The following ATG14 variants were observed in gnomAD, a reference collection of about 807,000 sequenced individuals.
ATG14 encodes the protein autophagy related 14.
Under a neutral mutation model 60.4 loss-of-function variants are expected in ATG14, and 35 were observed. The ratio of observed to expected loss-of-function variants is 0.58; its 90% confidence interval spans 0.44 to 0.77. The LOEUF (loss-of-function observed/expected upper bound fraction) is 0.77, where lower values mean the gene tolerates loss of function less well. Ranked by LOEUF, ATG14 falls within the 30% of genes least tolerant of loss-of-function variation. The pLI is 0.00. For missense variants in ATG14, 647 were observed against 626.3 expected, an observed-to-expected ratio of 1.03 and a Z score of -0.35; for synonymous variants, 234 against 228.8, an observed-to-expected ratio of 1.02 and a Z score of -0.21.
At chr14:55,381,698 C>A (rs999256528) in intron 6 of ATG14, among the ~76,000 whole-genome samples, 4 of 152,134 alleles carry the variant, frequency 2.6e-5, no homozygotes, top group African/African-American at 9.7e-5. Context: ...CCAGAACAGG[C>A]AAATCTATAG....
intron 2 of ATG14, among the ~76,000 whole-genome samples, chr14:55,397,038 A>G (rs1486453425): frequency 6.6e-6 from 1 of 152,208 alleles, no homozygotes; most frequent in Non-Finnish European, 1.5e-5. Flanking sequence ...GGTAAATGGA[A>G]GCAGTAATGT....
intron 9 of ATG14, among the ~76,000 whole-genome samples, chr14:55,372,920 G>C (rs1453963806): frequency 2.0e-5 from 3 of 152,148 alleles, no homozygotes; most frequent in Non-Finnish European, 4.4e-5. Context: ...AATGAAAAGC[G>C]ACTGAATGGA....
chr14:55,411,105 C>G (rs1885564046), intron 1 of ATG14, among the ~76,000 whole-genome samples: 1 of 152,208 alleles, frequency 6.6e-6, no homozygotes, highest in African/African-American at 2.4e-5. Context: ...TCAATTCACA[C>G]ATTAGAGTAA....
rs1464615081 is a variant in ATG14 at position 55,377,794 on chromosome 14, A to G, written c.1172+25T>C. On this transcript the variant is annotated intron_variant, in intron 9 of 9. Transcript: ENST00000247178. ...TAACAGGATTCACAAAAACACTTAG[A>G]GAAAAGCAACAAATATCTTCTTACC... 4 of 1,515,658 alleles carry G rather than the reference A, an allele frequency of 2.6e-6. No homozygotes were observed. In the East Asian group the frequency reaches 9.0e-5, roughly 34 times the overall value. 93.9% of individuals were successfully genotyped at this position (1,515,658 alleles called of 1,614,324 possible). A position where few individuals can be genotyped will look rare whatever the true frequency, so the allele number is the denominator to read the frequency against.
At position 55,402,970 on chromosome 14, in the gene ATG14, A is replaced by ATAT. The variant is rs1566585833; in HGVS notation, c.222-5537_222-5536insATA. ...ATATATATATATATATATATATATA[A>ATAT]ATAGCTGGGCATAGTGGTGCATGGC... On this transcript the variant is annotated intron_variant, in intron 1 of 9. Transcript: ENST00000247178. Among the ~76,000 whole-genome samples, 85 of 69,470 alleles carry ATAT rather than the reference A, an allele frequency of 1.2e-3. 1 individual carries two copies. Among genetic ancestry groups the ATAT allele is most frequent in the Non-Finnish European group, 2.2e-3 (75 of 33,802 alleles). 45.6% of individuals were successfully genotyped at this position (69,470 alleles called of 152,430 possible). A position where few individuals can be genotyped will look rare whatever the true frequency, so the allele number is the denominator to read the frequency against.
chr14:55,379,105 G>A (rs1021295780), intron 7 of ATG14, among the ~76,000 whole-genome samples: 1 of 152,208 alleles, frequency 6.6e-6, no homozygotes, highest in South Asian at 2.1e-4. Flanking sequence ...CCATGAAAAT[G>A]TGAGCTCCAA....
rs780788345 is a variant in ATG14, at chr14:55,411,712, G to C, written c.111C>G (p.Tyr37Ter). The change falls in exon 1 of 10, where the codon TAC (tyrosine) becomes TAG (stop). Residue 37 changes from tyrosine to a stop codon, truncating the protein, a stop_gained. Coordinates refer to ENST00000247178, the MANE Select transcript of ATG14 (RefSeq NM_014924.5). LOFTEE classifies it high-confidence loss of function. Reference protein sequence around the residue: ...VDSVDDAEGLYVAVERCPLCN... With the variant: ...VDSVDDAEGL ...ACAGCGGGCAGCGCTCCACAGCCAC[G>C]TACAGCCCCTCCGCATCGTCCACGG... 1 of 1,612,466 alleles carries C rather than the reference G, an allele frequency of 6.2e-7. No individual in the cohort carries two copies.
chr14:55,411,672 G>A lies in ATG14; in HGVS notation c.151C>T (p.Arg51Trp). Residue 51 changes from arginine to tryptophan, a missense_variant, in exon 1 of 10, where the codon CGG becomes TGG. By Grantham distance (101) the Arg-to-Trp change is moderately radical. Transcript: ENST00000247178. The part of the protein sequence containing the change: ...ERCPLCNTTR[R>W]RLTCAKCVQS... ...ACGCATTTGGCGCAGGTCAGCCGCC[G>A]GCGGGTAGTGTTGCACAGCGGGCAG... The A allele has an allele frequency of 6.2e-7, 1 of 1,613,414 alleles. No individual in the cohort carries two copies. Among genetic ancestry groups the A allele is most frequent in the Non-Finnish European group, 8.5e-7 (1 of 1,179,888 alleles).
At position 55,369,594 on chromosome 14, in the gene ATG14, T is replaced by G; in HGVS notation, c.*25A>C. The G allele has an allele frequency of 6.8e-7, 1 of 1,464,370 alleles. No homozygotes were observed. The highest frequency in any genetic ancestry group is 9.1e-7 in the Non-Finnish European group (1 of 1,102,050). 90.7% of individuals were successfully genotyped at this position (1,464,370 alleles called of 1,614,324 possible). On this transcript the variant is annotated 3_prime_UTR_variant, in exon 10 of 10. Transcript: ENST00000247178. ...GGGAGAAGAACTTTCTTGATGCAGA[T>G]TTGGTATGTTTTGGTCCATGCTCGT...
chr14:55,387,603 C>A (rs1885146653), intron 4 of ATG14, among the ~76,000 whole-genome samples: 1 of 152,116 alleles, frequency 6.6e-6, no homozygotes, highest in Non-Finnish European at 1.5e-5. Flanking sequence ...GGGTCCAAAC[C>A]ACCCTCCCAC....
At chr14:55,397,863 A>G (rs969840301) in intron 1 of ATG14, among the ~76,000 whole-genome samples, 1 of 152,070 alleles carries the variant, frequency 6.6e-6, no homozygotes, top group Non-Finnish European at 1.5e-5. Context: ...TTTTTTCACT[A>G]ATTTTATTGC....
In ATG14 at chr14:55,411,664, C is replaced by T. The variant is rs1293968100; in HGVS notation, c.159G>A (p.Leu53=). Residue 53 remains leucine (L), a synonymous_variant, in exon 1 of 10, where the codon CTG becomes CTA. Coordinates refer to ENST00000247178, the MANE Select transcript of ATG14 (RefSeq NM_014924.5). The part of the protein sequence containing the change: ...CPLCNTTRRR[L]TCAKCVQSGD... ...CGCTCTGAACGCATTTGGCGCAGGT[C>T]AGCCGCCGGCGGGTAGTGTTGCACA... 1 of 1,613,460 alleles carries T rather than the reference C, an allele frequency of 6.2e-7. No homozygotes were observed. Among genetic ancestry groups the T allele is most frequent in the Admixed American group, 1.7e-5 (1 of 59,998 alleles).
rs2140113698 is a variant in ATG14 at position 55,369,133 on chromosome 14, C to CA, written c.*485dup. On this transcript the variant is annotated 3_prime_UTR_variant, in exon 10 of 10. Transcript: ENST00000247178. ...TTTAAATTGCCTGCTGGTTCTCATACAAAAAACAATGGCAGAAAAACTCTT... is the reference window on the plus strand; with the variant it reads ...TTTAAATTGCCTGCTGGTTCTCATACAAAAAAACAATGGCAGAAAAACTCTT... 6.5e-6 allele frequency: 1 copy of CA among 152,822 alleles called. No homozygotes were observed. Among genetic ancestry groups the CA allele is most frequent in the South Asian group, 2.1e-4 (1 of 4,826 alleles). 9.5% of individuals were successfully genotyped at this position (152,822 alleles called of 1,614,324 possible). A position where few individuals can be genotyped will look rare whatever the true frequency, so the allele number is the denominator to read the frequency against.
At chr14:55,408,926 A>G (rs1229133961) in intron 1 of ATG14, among the ~76,000 whole-genome samples, 2 of 152,194 alleles carry the variant, frequency 1.3e-5, no homozygotes, top group Non-Finnish European at 2.9e-5. Context: ...CGTATGCCAT[A>G]GTAAGGAGCT....
chr14:55,411,483 C>G (rs1772487878), intron 1 of ATG14, 119 bp downstream of exon 1: 4 of 994,536 alleles, frequency 4.0e-6, no homozygotes, highest in Non-Finnish European at 5.9e-6. Flanking sequence ...CACTCCCTCT[C>G]TCTCGCTCCT....
intron 4 of ATG14, among the ~76,000 whole-genome samples, chr14:55,387,305 T>C (rs1885141287): frequency 6.6e-6 from 1 of 152,176 alleles, no homozygotes; most frequent in East Asian, 1.9e-4. Flanking sequence ...TCAAATCCTT[T>C]CTGCAAGATG....
At position 55,369,386 on chromosome 14, in the gene ATG14, G is replaced by T; in HGVS notation, c.*233C>A. ...TCCTCCTTCCACCAGCACTGGTCTG[G>T]GTAGAAAGACCTTCGACCCCTGTTC... On this transcript the variant is annotated 3_prime_UTR_variant, in exon 10 of 10. Transcript: ENST00000247178. 2.7e-6 allele frequency: 1 copy of T among 369,092 alleles called. No individual in the cohort carries two copies. The highest frequency in any genetic ancestry group is 4.8e-6 in the Non-Finnish European group (1 of 208,224). The allele number at this position is 369,092 out of a possible 1,614,324, so 22.9% of individuals were successfully genotyped here.
At chr14:55,380,291 G>A (rs1169415318) in intron 7 of ATG14, among the ~76,000 whole-genome samples, 2 of 151,716 alleles carry the variant, frequency 1.3e-5, no homozygotes, top group East Asian at 1.9e-4. Context: ...AGAATTCAAC[G>A]GCTGCGATTT....
intron 7 of ATG14, among the ~76,000 whole-genome samples, chr14:55,378,479 G>A (rs1328988766): frequency 6.6e-6 from 1 of 152,178 alleles, no homozygotes; most frequent in Non-Finnish European, 1.5e-5. Flanking sequence ...ACGGCCCTAT[G>A]AGGCCCACAA....
Sources: allele counts gnomAD v4.1 joint callset (sites outside exome capture counted in the v4.1 genomes callset), GRCh38; gene constraint gnomAD v4.1.1; transcripts MANE v1.5; gene names NCBI Gene and HGNC (gene_info 2026-07-23, HGNC 2026-07-21).